The following ASPH variants were observed in gnomAD, a reference collection of about 807,000 sequenced individuals.
ASPH encodes aspartate beta-hydroxylase.
Under a neutral mutation model 118.4 loss-of-function variants are expected in ASPH, and 100 were observed. That is an observed-to-expected ratio of 0.84 (90% CI 0.72 to 1.00). ASPH has a LOEUF of 1.00. Ranked by LOEUF, ASPH falls within the 50% of genes least tolerant of loss-of-function variation. The pLI is 0.00. For synonymous variants in ASPH, 315 were observed against 325.6 expected (o/e 0.97, Z 0.35); for missense variants, 920 against 919.5 (o/e 1.00, Z -0.01).
Position 61,553,051 on chromosome 8 carries a change from G to C in ASPH, c.1606C>G (p.Gln536Glu). The change falls in exon 20 of 25, where the codon CAG (glutamine) becomes GAG (glutamate). Residue 536 changes from glutamine to glutamate, a missense_variant. Physicochemically the swap from Gln to Glu is conservative, Grantham distance 29. Coordinates refer to ENST00000379454, the MANE Select transcript of ASPH (RefSeq NM_004318.4). ...RFYFHLGDAM[Q>E]RVGNKEAYKW... ...ATTACCTCTTTGTTCCCAACCCTCT[G>C]CATGGCATCCCCCAGGTGGAAATAA... 6.2e-7 allele frequency: 1 copy of C among 1,613,416 alleles called. No individual in the cohort carries two copies. The highest frequency in any genetic ancestry group is 8.5e-7 in the Non-Finnish European group (1 of 1,179,470).
At chr8:61,596,354 C>G (rs1842505160) in intron 14 of ASPH, among the ~76,000 whole-genome samples, 1 of 152,246 alleles carries the variant, frequency 6.6e-6, no homozygotes. Flanking sequence ...TGGCCTGCTA[C>G]TGCTACTGCC....
intron 24 of ASPH, among the ~76,000 whole-genome samples, chr8:61,504,546 C>T (rs1249184186): frequency 6.6e-6 from 1 of 152,096 alleles, no homozygotes; most frequent in Non-Finnish European, 1.5e-5. Context: ...CTGAGCAATA[C>T]TACATATATT....
Position 61,671,879 on chromosome 8 carries a change from G to C in ASPH, c.322+9089C>G, listed in dbSNP as rs572933854. ...TGGTTACACCACATGCAATAGACAT[G>C]ATTTTAGAAGACTGGCTGCATTACA... On this transcript the variant is annotated intron_variant, in intron 3 of 24. Transcript: ENST00000379454. Among the ~76,000 whole-genome samples the C allele has an allele frequency of 1.1e-4, 16 of 152,344 alleles. No individual in the cohort carries two copies. In the East Asian group the frequency reaches 3.1e-3, roughly 29 times the overall value.
intron 21 of ASPH, among the ~76,000 whole-genome samples, chr8:61,535,874 G>A (rs1819293897): frequency 6.6e-6 from 1 of 152,146 alleles, no homozygotes; most frequent in African/African-American, 2.4e-5. Flanking sequence ...CAAACACCAT[G>A]GGACTGTAAT....
At chr8:61,558,197 T>C (rs993006745) in intron 18 of ASPH, among the ~76,000 whole-genome samples, 5 of 152,132 alleles carry the variant, frequency 3.3e-5, no homozygotes, top group Non-Finnish European at 7.3e-5. Flanking sequence ...GCAGGGGTTA[T>C]ATAAGAGGGG....
rs73271213 is a variant in ASPH at position 61,714,050 on chromosome 8, G to C, written c.103+219C>G. On this transcript the variant is annotated intron_variant, in intron 1 of 24. Transcript: ENST00000379454. ...GCTGGGAAGGGGCTCCCCGAGACTA[G>C]CATCCCGAGGGCTCGGACCCCGGTC... Among the ~76,000 whole-genome samples, 7,420 of 152,330 alleles carry C rather than the reference G, an allele frequency of 0.049. 261 individuals carry two copies. The highest frequency in any genetic ancestry group is 0.097 in the African/African-American group (4,021 of 41,572).
intron 19 of ASPH, among the ~76,000 whole-genome samples, chr8:61,553,916 G>T (rs1226285793): frequency 6.6e-6 from 1 of 152,224 alleles, no homozygotes; most frequent in East Asian, 1.9e-4. Context: ...TCACTAGGAA[G>T]AAATTGTATT....
intron 21 of ASPH, among the ~76,000 whole-genome samples, chr8:61,528,767 G>T (rs1032442866): frequency 1.3e-5 from 2 of 152,070 alleles, no homozygotes; most frequent in African/African-American, 4.8e-5. Context: ...TGTTGCCAAG[G>T]TACTTTTCGT....
intron 2 of ASPH, chr8:61,683,734 T>C: frequency 4.7e-6 from 1 of 214,690 alleles, no homozygotes; most frequent in Non-Finnish European, 9.1e-6. Flanking sequence ...TATAACAAAA[T>C]TGAATAGAAA....
At chr8:61,608,364 A>G (rs1159374776) in intron 14 of ASPH, among the ~76,000 whole-genome samples, 1 of 152,206 alleles carries the variant, frequency 6.6e-6, no homozygotes, top group Non-Finnish European at 1.5e-5. Context: ...AGGCAGTAAC[A>G]GCTGCCTCAA....
At chr8:61,660,942 T>C (rs1026068072) in intron 3 of ASPH, 5 of 152,090 alleles carry the variant, frequency 3.3e-5, no homozygotes, top group African/African-American at 1.2e-4. Flanking sequence ...AAAACAAACA[T>C]AAGTTTTTCA....
At chr8:61,576,050 T>C (rs1160889590) in intron 16 of ASPH, among the ~76,000 whole-genome samples, 2 of 152,332 alleles carry the variant, frequency 1.3e-5, no homozygotes, top group Admixed American at 6.5e-5. Context: ...ACCTTGAGTC[T>C]TTCCCATGTA....
intron 13 of ASPH, chr8:61,628,279 C>G (rs1167428914): frequency 3.2e-6 from 1 of 314,992 alleles, no homozygotes; most frequent in Non-Finnish European, 6.0e-6. Context: ...TCCACCTCAG[C>G]CTTCTGAGTA....
At position 61,557,221 on chromosome 8, in the gene ASPH, C is replaced by A. The variant is rs575867723; in HGVS notation, c.1438-1199G>T. On this transcript the variant is annotated intron_variant, in intron 18 of 24. Coordinates refer to ENST00000379454, the MANE Select transcript of ASPH (RefSeq NM_004318.4). ...GCTAAATCCTAGGTCAGATCTCAAC[C>A]CTCCTCTGCTGCATTGCACTCAGAG... Among the ~76,000 whole-genome samples the A allele has an allele frequency of 1.1e-3, 163 of 152,178 alleles. 2 individuals are homozygous for A. Among genetic ancestry groups the A allele is most frequent in the Non-Finnish European group, 4.7e-4 (32 of 67,994 alleles).
chr8:61,628,063 T>A (rs1259909866), intron 13 of ASPH, among the ~76,000 whole-genome samples: 2 of 152,078 alleles, frequency 1.3e-5, no homozygotes, highest in Admixed American at 1.3e-4. Flanking sequence ...TACTAGTCTC[T>A]ACCTCCTTGC....
chr8:61,625,380 G>A (rs1244257563), intron 13 of ASPH: 1 of 985,720 alleles, frequency 1.0e-6, no homozygotes, highest in Non-Finnish European at 1.2e-6. Flanking sequence ...GCGGTCTCTA[G>A]TGCTGGAGGG....
chr8:61,520,928 T>G (rs189305343), intron 22 of ASPH, among the ~76,000 whole-genome samples: 4 of 152,340 alleles, frequency 2.6e-5, no homozygotes, highest in Admixed American at 2.6e-4. Flanking sequence ...AGAGAACACC[T>G]CTAGCTCTTT....
intron 14 of ASPH, among the ~76,000 whole-genome samples, chr8:61,612,000 A>G (rs1403897878): frequency 6.6e-6 from 1 of 151,570 alleles, no homozygotes; most frequent in Non-Finnish European, 1.5e-5. Flanking sequence ...GATATGCAAA[A>G]AAAATAGGAA....
chr8:61,526,132 T>G lies in ASPH; in HGVS notation c.1765-20A>C. 6.2e-7 allele frequency: 1 copy of G among 1,613,586 alleles called. No individual in the cohort carries two copies. The highest frequency in any genetic ancestry group is 8.5e-7 in the Non-Finnish European group (1 of 1,179,772). On this transcript the variant is annotated intron_variant, in intron 21 of 24. Coordinates refer to ENST00000379454, the MANE Select transcript of ASPH (RefSeq NM_004318.4). Reference sequence around the variant, plus strand: ...TAAAGACTAGAGGGAAGATTCTGGCTTTACTGGACTGAAAAAGGGCCTGGT... The same window carrying G: ...TAAAGACTAGAGGGAAGATTCTGGCGTTACTGGACTGAAAAAGGGCCTGGT...
Sources: allele counts gnomAD v4.1 joint callset (sites outside exome capture counted in the v4.1 genomes callset), GRCh38; gene constraint gnomAD v4.1.1; transcripts MANE v1.5; gene names NCBI Gene and HGNC (gene_info 2026-07-23, HGNC 2026-07-21).